The following LDB3 variants were observed in gnomAD, a reference collection of about 807,000 sequenced individuals.
LDB3 encodes the protein LIM domain binding 3.
LDB3 carries 49 observed loss-of-function variants against 69.0 expected under a neutral mutation model. The ratio of observed to expected loss-of-function variants is 0.71; its 90% confidence interval spans 0.56 to 0.90. The LOEUF (loss-of-function observed/expected upper bound fraction) is 0.90. Ranked by LOEUF, LDB3 falls within the 40% of genes least tolerant of loss-of-function variation. The pLI, the probability that LDB3 is intolerant of heterozygous loss-of-function variation, is 0.00. For synonymous variants in LDB3, 387 were observed against 396.2 expected (o/e 0.98, Z 0.28); for missense variants, 928 against 974.1 (o/e 0.95, Z 0.63).
chr10:86,692,243 CG>C (rs1262251576), intron 6 of LDB3, among the ~76,000 whole-genome samples, 178 bp downstream of exon 6: 1 of 152,230 alleles, frequency 6.6e-6, no homozygotes, highest in African/African-American at 2.4e-5. Flanking sequence ...GCAGGCTGTC[CG>C]GTGACAGCAG....
At chr10:86,728,406 C>T (rs1254592516) in intron 13 of LDB3, among the ~76,000 whole-genome samples, 1 of 152,134 alleles carries the variant, frequency 6.6e-6, no homozygotes, top group Admixed American at 6.5e-5. Context: ...AGGCGTAAAG[C>T]TTGGGGTGGC....
In LDB3 at chr10:86,680,117, C is replaced by T. The variant is rs772912790; in HGVS notation, c.281C>T (p.Pro94Leu). 1.6e-5 allele frequency: 26 copies of T among 1,614,120 alleles called. No homozygotes were observed. The highest frequency in any genetic ancestry group is 3.3e-4 in the Middle Eastern group (2 of 6,084). Residue 94 changes from proline (P) to leucine (L), a missense_variant, in exon 4 of 14, where the codon CCT becomes CTT. Pro to Leu is a moderately conservative substitution (Grantham distance 98). Transcript: ENST00000361373. ...CCCATTCCCATCTCCACGACAGCAC[C>T]TCCAGTCCAGACCCCTCTGCCGGTG... ...KRPIPISTTA[P>L]PVQTPLPVIP...
rs957480343 is a variant in LDB3, at chr10:86,735,810, A to G, written c.*2834A>G. 16 of 150,974 alleles carry G rather than the reference A, an allele frequency of 1.1e-4. No homozygotes were observed. Among genetic ancestry groups the G allele is most frequent in the Non-Finnish European group, 2.2e-4 (15 of 67,848 alleles). 9.4% of individuals were successfully genotyped at this position (150,974 alleles called of 1,614,324 possible). A position where few individuals can be genotyped will look rare whatever the true frequency, so the allele number is the denominator to read the frequency against. On this transcript the variant is annotated 3_prime_UTR_variant, in exon 14 of 14. Coordinates refer to ENST00000361373, the MANE Select transcript of LDB3 (RefSeq NM_007078.3). ...AAAAAAAAAAAAAAAAATTATAATC[A>G]CAACTTTTTGCAATGGAGTGACTTA...
chr10:86,687,151 C>T lies in LDB3; in HGVS notation c.690-4745C>T, dbSNP rs763783961. 9 of 1,614,240 alleles carry T rather than the reference C, an allele frequency of 5.6e-6. No individual in the cohort carries two copies. In the East Asian group the frequency reaches 1.3e-4, roughly 24 times the overall value. On this transcript the variant is annotated intron_variant, in intron 5 of 13. Coordinates refer to ENST00000361373, the MANE Select transcript of LDB3 (RefSeq NM_007078.3). Reference sequence around the variant, plus strand: ...CCACAAGCCCATCGAGGTGAAGGGGCTGGGCGGCAAGGCCACCATCATCCA... The same window carrying T: ...CCACAAGCCCATCGAGGTGAAGGGGTTGGGCGGCAAGGCCACCATCATCCA...
chr10:86,700,121 G>C (rs1396488297), intron 7 of LDB3: 1 of 936,110 alleles, frequency 1.1e-6, no homozygotes, highest in Non-Finnish European at 1.3e-6. Context: ...ATCTGGGACA[G>C]AGAGAGGACA....
rs2132485348 is a variant in LDB3 at position 86,717,987 on chromosome 10, G to A, written c.1700G>A (p.Gly567Asp). ...VIRGPFLVAM[G>D]RSWHPEEFTC... ...AGGGGCCCATTTCTGGTAGCCATGGGCCGTTCTTGGCACCCTGAAGAGTTC... is the reference window on the plus strand; with the variant it reads ...AGGGGCCCATTTCTGGTAGCCATGGACCGTTCTTGGCACCCTGAAGAGTTC... The change falls in exon 11 of 14, where the codon GGC becomes GAC. Residue 567 changes from glycine to aspartate, a missense_variant. By Grantham distance (94) the Gly-to-Asp change is moderately conservative. Transcript: ENST00000361373. 1.2e-6 allele frequency: 2 copies of A among 1,614,152 alleles called. No individual in the cohort carries two copies. Among genetic ancestry groups the A allele is most frequent in the Non-Finnish European group, 1.7e-6 (2 of 1,180,004 alleles).
intron 3 of LDB3, among the ~76,000 whole-genome samples, chr10:86,679,811 TGCCCAGGCA>T (rs1845011450): frequency 6.6e-6 from 1 of 152,212 alleles, no homozygotes; most frequent in Non-Finnish European, 1.5e-5. Flanking sequence ...ACTTCCACTT[TGCCCAGGCA>T]GCCCCCAGTG....
intron 9 of LDB3, among the ~76,000 whole-genome samples, chr10:86,712,585 A>C (rs1846709226): frequency 1.3e-5 from 2 of 152,166 alleles, no homozygotes; most frequent in Non-Finnish European, 2.9e-5. Flanking sequence ...ATGGACTTGC[A>C]AATATTATCT....
At chr10:86,717,744 G>C (rs1846928643) in intron 10 of LDB3, among the ~76,000 whole-genome samples, 1 of 152,140 alleles carries the variant, frequency 6.6e-6, no homozygotes, top group Non-Finnish European at 1.5e-5. Context: ...GTCCCCTATT[G>C]GTAGATGTTT....
intron 5 of LDB3, among the ~76,000 whole-genome samples, chr10:86,684,818 G>A (rs1051582157): frequency 3.9e-5 from 6 of 152,214 alleles, no homozygotes; most frequent in East Asian, 1.9e-4. Context: ...ACAGGCCCCC[G>A]ACAGGGCTGC....
intron 12 of LDB3, among the ~76,000 whole-genome samples, chr10:86,725,673 T>C (rs1223517180): frequency 6.6e-6 from 1 of 152,186 alleles, no homozygotes; most frequent in Admixed American, 6.5e-5. Context: ...CTGTTTATAG[T>C]AGTAAAAACT....
In LDB3 at chr10:86,734,696, C is replaced by T. The variant is rs893661367; in HGVS notation, c.*1720C>T. On this transcript the variant is annotated 3_prime_UTR_variant, in exon 14 of 14. Transcript: ENST00000361373. ...AGGAAGCCCCTATTTTTTCCAAGCA[C>T]GAAGCCACCAGTCTCCCCCAGGGAG... The T allele has an allele frequency of 1.3e-5, 2 of 152,228 alleles. No homozygotes were observed. The highest frequency in any genetic ancestry group is 2.1e-4 in the South Asian group (1 of 4,818). The allele number at this position is 152,228 out of a possible 1,614,324, so 9.4% of individuals were successfully genotyped here. A position where few individuals can be genotyped will look rare whatever the true frequency, so the allele number is the denominator to read the frequency against.
rs1271007864 is a variant in LDB3 at position 86,681,709 on chromosome 10, A to G, written c.595A>G (p.Ile199Val). The stretch of plus-strand genomic sequence containing the variant: ...CCAGCCGAGGCAATATAACAACCCC[A>G]TTGGCCTGTACTCGGCAGAGACCCT... Reference protein sequence around the residue: ...SSQPRQYNNPIGLYSAETLRE... With the variant: ...SSQPRQYNNPVGLYSAETLRE... The change falls in exon 5 of 14, where the codon ATT (isoleucine) becomes GTT (valine). Residue 199 changes from isoleucine (I) to valine (V), a missense_variant. Transcript: ENST00000361373. 1.2e-6 allele frequency: 2 copies of G among 1,613,258 alleles called. No homozygotes were observed. The highest frequency in any genetic ancestry group is 1.1e-5 in the South Asian group (1 of 91,032).
intron 7 of LDB3, among the ~76,000 whole-genome samples, chr10:86,702,074 C>G (rs1201210129): frequency 6.6e-6 from 1 of 152,196 alleles, no homozygotes; most frequent in Admixed American, 6.5e-5. Flanking sequence ...AGTCACCAGG[C>G]AGCAAGGTGG....
At chr10:86,711,115 G>A (rs964634106) in intron 9 of LDB3, among the ~76,000 whole-genome samples, 25 of 152,350 alleles carry the variant, frequency 1.6e-4, no homozygotes, top group African/African-American at 6.0e-4. Flanking sequence ...TGGGAACACA[G>A]GGAGGGGAGG....
At chr10:86,725,814 T>C (rs1847233085) in intron 12 of LDB3, among the ~76,000 whole-genome samples, 1 of 152,208 alleles carries the variant, frequency 6.6e-6, no homozygotes, top group Non-Finnish European at 1.5e-5. Flanking sequence ...GTTTTCTCTT[T>C]GGGGCTTGAT....
chr10:86,706,719 G>A lies in LDB3; in HGVS notation c.1085G>A (p.Arg362Lys), dbSNP rs1404541127. Residue 362 changes from arginine (R) to lysine (K), a missense_variant and splice_region_variant, in exon 8 of 14, where the codon AGG becomes AAG. Arg to Lys is a conservative substitution (Grantham distance 26). Coordinates refer to ENST00000361373, the MANE Select transcript of LDB3 (RefSeq NM_007078.3). ...APASSPADSP[R>K]PQASSYSPAV... Reference sequence around the variant, plus strand: ...GCTTCAAGTCCTGCCGACAGCCCAAGGTAACTGGGCCACAGGTGCTGGGCC... The same window carrying A: ...GCTTCAAGTCCTGCCGACAGCCCAAAGTAACTGGGCCACAGGTGCTGGGCC... 6.2e-7 allele frequency: 1 copy of A among 1,610,594 alleles called. No individual in the cohort carries two copies. Among genetic ancestry groups the A allele is most frequent in the African/African-American group, 1.3e-5 (1 of 74,872 alleles).
intron 2 of LDB3, among the ~76,000 whole-genome samples, chr10:86,677,224 G>T (rs938929809): frequency 1.3e-5 from 2 of 152,200 alleles, no homozygotes; most frequent in African/African-American, 4.8e-5. Flanking sequence ...CCTCCAACAT[G>T]GTATGGTGGG....
intron 8 of LDB3, 108 bp downstream of exon 8, chr10:86,706,827 G>A: frequency 8.0e-7 from 1 of 1,243,916 alleles, no homozygotes; most frequent in Non-Finnish European, 1.1e-6. Context: ...AGGGCCCGCA[G>A]GCCTAGAGGA....
Sources: gnomAD v4.1 joint callset for allele counts (sites outside exome capture counted in the v4.1 genomes callset) on GRCh38, gnomAD v4.1.1 for gene constraint, MANE v1.5 for transcripts, NCBI Gene and HGNC (gene_info 2026-07-23, HGNC 2026-07-21) for gene names.